BCOR: variants seen among roughly 807,000 people sequenced by gnomAD.
BCOR encodes the protein BCL6 corepressor, also known as BCL-6 corepressor.
BCOR carries 10 observed loss-of-function variants against 86.7 expected under a neutral mutation model. The observed-to-expected ratio is 0.12, with a 90% CI of 0.07 to 0.20. BCOR has a LOEUF of 0.20. BCOR is among the 10% of genes least tolerant of loss of function. The pLI is 1.00. For missense variants in BCOR, 1,259 were observed against 1,452.1 expected (o/e 0.87, Z 2.16); for synonymous variants, 611 against 609.0 (o/e 1.00, Z -0.05).
At chrX:40,169,496 G>C (rs1219052846) in intron 1 of BCOR, among the ~76,000 whole-genome samples, 2 of 111,329 alleles carry the variant, frequency 1.8e-5, no homozygotes, top group Admixed American at 1.9e-4. Flanking sequence ...AAACAGTCTT[G>C]GTACCTCCTA....
intron 1 of BCOR, among the ~76,000 whole-genome samples, chrX:40,136,034 C>A (rs1937674714): frequency 8.9e-6 from 1 of 112,042 alleles, no homozygotes; most frequent in Non-Finnish European, 1.9e-5. Flanking sequence ...CTTCATCCCA[C>A]CGATGTCAGG....
chrX:40,168,721 T>C (rs1402850546), intron 1 of BCOR, among the ~76,000 whole-genome samples: 1 of 113,245 alleles, frequency 8.8e-6, no homozygotes, highest in Non-Finnish European at 1.9e-5. Flanking sequence ...GCTGCCTTCC[T>C]GGACCGCGAG....
chrX:40,176,788 C>A (rs1331151189), intron 1 of BCOR, among the ~76,000 whole-genome samples: 1 of 112,122 alleles, frequency 8.9e-6, no homozygotes, highest in Non-Finnish European at 1.9e-5. Flanking sequence ...CCGCCCGGCC[C>A]GGCCCTTGTC....
At chrX:40,163,880 C>T (rs1248518601) in intron 1 of BCOR, among the ~76,000 whole-genome samples, 1 of 110,306 alleles carries the variant, frequency 9.1e-6, no homozygotes, top group Non-Finnish European at 1.9e-5. Context: ...AAAAATTAGC[C>T]GAGCATGGTG....
At chrX:40,118,265 T>C (rs900884577) in intron 1 of BCOR, among the ~76,000 whole-genome samples, 1 of 109,893 alleles carries the variant, frequency 9.1e-6, no homozygotes, top group South Asian at 3.9e-4. Flanking sequence ...TTATTTATTT[T>C]ATTTATTTTT....
rs748428774 is a variant in BCOR, at chrX:40,077,865, A to G, written c.65T>C (p.Met22Thr). Reference protein sequence around the residue: ...HSWMNSERVRMCGASEDRKIL... With the variant: ...HSWMNSERVRTCGASEDRKIL... ...TCACCTGTCTTCGCTCGCCCCACAC[A>G]TGCGGACCCTCTCGCTGTTCATCCA... Residue 22 changes from methionine (M) to threonine (T), a missense_variant, in exon 2 of 15, where the codon ATG becomes ACG. Met to Thr is a moderately conservative substitution (Grantham distance 81). Around this residue, in one of 7 missense-constraint regions of BCOR, gnomAD observed 174 missense variants for 189.3 expected, o/e 0.92. Transcript: ENST00000378444. 1.7e-6 allele frequency: 2 copies of G among 1,210,696 alleles called. No individual in the cohort carries two copies. Among genetic ancestry groups the G allele is most frequent in the Non-Finnish European group, 2.2e-6 (2 of 895,170 alleles).
rs2147007079 is a variant in BCOR, at chrX:40,062,257, G to A, written c.4310C>T (p.Ser1437Leu). ...PASQSTQLPC[S>L]SSPQETTQSR... ...CTGGGTGGTCTCCTGAGGGGAACTTGAGCATGGCAGCTGTGTGGACTGGGA... is the reference window on the plus strand; with the variant it reads ...CTGGGTGGTCTCCTGAGGGGAACTTAAGCATGGCAGCTGTGTGGACTGGGA... The change falls in exon 10 of 15, where the codon TCA becomes TTA. Residue 1437 changes from serine to leucine, a missense_variant. Physicochemically the swap from Ser to Leu is moderately radical, Grantham distance 145. This residue lies in a region of BCOR where 305 missense variants were observed against 286.1 expected (regional missense o/e 1.07). Coordinates refer to ENST00000378444, the MANE Select transcript of BCOR (RefSeq NM_001123385.2). 8.3e-7 allele frequency: 1 copy of A among 1,211,211 alleles called. No individual in the cohort carries two copies. Among genetic ancestry groups the A allele is most frequent in the Non-Finnish European group, 1.1e-6 (1 of 895,272 alleles).
At chrX:40,110,925 C>T (rs935757403) in intron 1 of BCOR, among the ~76,000 whole-genome samples, 1 of 109,248 alleles carries the variant, frequency 9.2e-6, no homozygotes, top group Non-Finnish European at 1.9e-5. Context: ...GTTGGTCAGG[C>T]TGGTCTCAAA....
intron 1 of BCOR, among the ~76,000 whole-genome samples, chrX:40,092,925 A>T (rs568520153): frequency 6.2e-5 from 7 of 112,480 alleles, no homozygotes; most frequent in African/African-American, 2.3e-4. Flanking sequence ...ACTCGGCAGG[A>T]AAGTCTTCGT....
At chrX:40,092,939 G>T (rs1259202635) in intron 1 of BCOR, among the ~76,000 whole-genome samples, 1 of 112,360 alleles carries the variant, frequency 8.9e-6, no homozygotes, top group Non-Finnish European at 1.9e-5. Flanking sequence ...TCTTCGTCAG[G>T]CATTGAGGAG....
intron 1 of BCOR, among the ~76,000 whole-genome samples, chrX:40,150,367 C>T (rs1312714550): frequency 8.9e-6 from 1 of 111,877 alleles, no homozygotes; most frequent in Non-Finnish European, 1.9e-5. Flanking sequence ...ATCTTAGACA[C>T]CAAATTATAA....
chrX:40,171,344 C>G (rs1416785144), intron 1 of BCOR, among the ~76,000 whole-genome samples: 1 of 112,257 alleles, frequency 8.9e-6, no homozygotes, highest in African/African-American at 3.2e-5. Flanking sequence ...ACTCCAGGCC[C>G]GGGAGGACAA....
chrX:40,098,328 T>C (rs1936991858), upstream of BCOR, among the ~76,000 whole-genome samples: 1 of 106,277 alleles, frequency 9.4e-6, no homozygotes, highest in Admixed American at 9.7e-5. Flanking sequence ...GCGCCCCCCC[T>C]CCTCGTCCCC....
At chrX:40,052,806 C>T (rs36028186) in intron 14 of BCOR, among the ~76,000 whole-genome samples, 5,247 of 110,628 alleles carry the variant, frequency 0.047, 136 homozygotes, top group Middle Eastern at 0.075. Flanking sequence ...CCTCGTGATC[C>T]GCCCGCCTTG....
Position 40,052,141 on chromosome X carries a change from G to C in BCOR, c.5236C>G (p.Pro1746Ala). 8.3e-7 allele frequency: 1 copy of C among 1,202,029 alleles called. No homozygotes were observed. Among genetic ancestry groups the C allele is most frequent in the Non-Finnish European group, 1.1e-6 (1 of 890,137 alleles). Reference sequence around the variant, plus strand: ...TAGTTGTCTGAGGCCAGATCACTGGGGTGGAGCCACTCTACAGAGGAGCCC... The same window carrying C: ...TAGTTGTCTGAGGCCAGATCACTGGCGTGGAGCCACTCTACAGAGGAGCCC... Reference protein sequence around the residue: ...LLGSSVEWLHPSDLASDNYW With the variant: ...LLGSSVEWLHASDLASDNYW The change falls in exon 15 of 15, where the codon CCC becomes GCC. Residue 1746 changes from proline to alanine, a missense_variant. Physicochemically the swap from Pro to Ala is conservative, Grantham distance 27. Coordinates refer to ENST00000378444, the MANE Select transcript of BCOR (RefSeq NM_001123385.2).
chrX:40,095,039 G>C (rs918779781), intron 1 of BCOR, among the ~76,000 whole-genome samples: 1 of 112,281 alleles, frequency 8.9e-6, no homozygotes, highest in African/African-American at 3.2e-5. Flanking sequence ...CCCAAAACCC[G>C]CGCGCTCCCC....
intron 1 of BCOR, among the ~76,000 whole-genome samples, chrX:40,165,791 A>T (rs1051585823): frequency 1.8e-5 from 2 of 111,025 alleles, no homozygotes; most frequent in African/African-American, 6.6e-5. Context: ...CTATCTATCT[A>T]TCTAGTTTTG....
chrX:40,176,779 C>CGCCCG (rs1260700726), intron 1 of BCOR, among the ~76,000 whole-genome samples: 2 of 112,418 alleles, frequency 1.8e-5, no homozygotes, highest in Middle Eastern at 4.7e-3. Context: ...GCGCCACCCC[C>CGCCCG]GCCCGGCCCG....
chrX:40,103,734 T>A (rs746473088), intron 1 of BCOR, among the ~76,000 whole-genome samples: 3 of 110,488 alleles, frequency 2.7e-5, no homozygotes, highest in Admixed American at 9.6e-5. Context: ...TTTAACACAC[T>A]AGTGTTTTTT....
Sources: gnomAD v4.1 joint callset for allele counts (sites outside exome capture counted in the v4.1 genomes callset) on GRCh38, gnomAD v4.1.1 for gene constraint, gnomAD v4.1.1 regional missense constraint, MANE v1.5 for transcripts, NCBI Gene and HGNC (gene_info 2026-07-23, HGNC 2026-07-21) for gene names.